The following UNC13C variants were observed in gnomAD, a reference collection of about 807,000 sequenced individuals.
The protein encoded by UNC13C is protein unc-13 homolog C.
Under a neutral mutation model 245.4 loss-of-function variants are expected in UNC13C, and 174 were observed. The observed-to-expected ratio is 0.71, with a 90% CI of 0.63 to 0.80. The LOEUF (loss-of-function observed/expected upper bound fraction) is 0.80. Among genes scored for constraint, UNC13C ranks in the 30% least tolerant of loss-of-function variants. The probability of loss-of-function intolerance (pLI) is 0.00; values close to 1 mark genes in which losing one functional copy is unlikely to be tolerated. For missense variants in UNC13C, 2,829 were observed against 2,602.9 expected (o/e 1.09, Z -1.89); for synonymous variants, 992 against 895.1 (o/e 1.11, Z -1.93).
At chr15:53,883,340 G>C in the UNC13C span, among the ~76,000 whole-genome samples, 32 of 152,304 alleles carry the variant, frequency 2.1e-4, no homozygotes, top group Admixed American at 5.9e-4. Flanking sequence ...GTTGCTGTTT[G>C]CTTTGAAATA....
intron 2 of UNC13C, among the ~76,000 whole-genome samples, chr15:54,077,560 G>C (rs182547566): frequency 1.1e-4 from 16 of 151,172 alleles, no homozygotes; most frequent in Admixed American, 3.3e-4. Context: ...TGCATTTTTA[G>C]TATAGACTGC....
the UNC13C span, among the ~76,000 whole-genome samples, chr15:53,858,035 A>G: frequency 6.6e-6 from 1 of 152,228 alleles, no homozygotes; most frequent in Non-Finnish European, 1.5e-5. Context: ...AAAGAAAATG[A>G]CAAACATTGT....
At chr15:54,458,304 C>G (rs1292969403) in intron 19 of UNC13C, among the ~76,000 whole-genome samples, 1 of 152,030 alleles carries the variant, frequency 6.6e-6, no homozygotes, top group East Asian at 1.9e-4. Flanking sequence ...TGTGGCCTAT[C>G]ATATGGTCCG....
At chr15:53,963,273 T>C in the UNC13C span, among the ~76,000 whole-genome samples, 2 of 152,220 alleles carry the variant, frequency 1.3e-5, no homozygotes, top group Admixed American at 1.3e-4. Flanking sequence ...CCTCAACTTC[T>C]GTCTTCACAG....
intron 30 of UNC13C, among the ~76,000 whole-genome samples, chr15:54,576,579 C>T (rs1897964387): frequency 6.6e-6 from 1 of 152,200 alleles, no homozygotes. Flanking sequence ...AACAGAGGAA[C>T]TGACGTTGTA....
chr15:54,264,018 G>A (rs1454230309), intron 8 of UNC13C, 150 bp from the exon 9 acceptor site: 2 of 686,774 alleles, frequency 2.9e-6, no homozygotes, highest in Middle Eastern at 2.6e-4. Context: ...CAGCATAGCA[G>A]TTCATTATGA....
intron 18 of UNC13C, among the ~76,000 whole-genome samples, chr15:54,407,088 A>C (rs1379376822): frequency 6.6e-6 from 1 of 152,224 alleles, no homozygotes; most frequent in Non-Finnish European, 1.5e-5. Context: ...TGAAACTATT[A>C]TATGCTAATA....
At chr15:54,580,759 AAG>A (rs1415726424) in intron 30 of UNC13C, among the ~76,000 whole-genome samples, 2 of 152,162 alleles carry the variant, frequency 1.3e-5, no homozygotes, top group African/African-American at 4.8e-5. Flanking sequence ...ACAAAACATT[AAG>A]AGAGACCCCT....
chr15:53,919,308 G>A, the UNC13C span, among the ~76,000 whole-genome samples: 16 of 152,166 alleles, frequency 1.1e-4, no homozygotes, highest in Admixed American at 2.0e-4. Context: ...GCTCAGTGAT[G>A]TGTCTGGCAC....
chr15:53,879,627 C>T, the UNC13C span, among the ~76,000 whole-genome samples: 32 of 152,062 alleles, frequency 2.1e-4, no homozygotes, highest in African/African-American at 6.5e-4. Flanking sequence ...CTCGCTCTGT[C>T]GCCCAGGCTG....
At chr15:54,481,482 T>G in intron 19 of UNC13C, among the ~76,000 whole-genome samples, 1 of 151,440 alleles carries the variant, frequency 6.6e-6, no homozygotes, top group African/African-American at 2.4e-5. Context: ...TCTTGGAAGG[T>G]GTGTGTGTGT....
intron 19 of UNC13C, among the ~76,000 whole-genome samples, chr15:54,487,406 C>A (rs1345491443): frequency 6.6e-6 from 1 of 151,984 alleles, no homozygotes; most frequent in Admixed American, 6.6e-5. Context: ...ACTTCTATAT[C>A]TTTTTTCTTA....
chr15:54,467,168 T>C (rs897623938), intron 19 of UNC13C, among the ~76,000 whole-genome samples: 3 of 151,818 alleles, frequency 2.0e-5, no homozygotes, highest in African/African-American at 7.2e-5. Context: ...ATAGACATGG[T>C]TCCTTCGTTC....
intron 19 of UNC13C, among the ~76,000 whole-genome samples, chr15:54,481,593 C>G (rs1305755514): frequency 1.3e-5 from 2 of 152,098 alleles, no homozygotes; most frequent in Admixed American, 6.5e-5. Flanking sequence ...GCAATATAGT[C>G]TGGTGAGGCT....
intron 2 of UNC13C, among the ~76,000 whole-genome samples, chr15:54,022,727 C>T (rs1895953625): frequency 6.6e-6 from 1 of 152,106 alleles, no homozygotes; most frequent in South Asian, 2.1e-4. Flanking sequence ...AAATTGTTTC[C>T]TTGGCTATGC....
intron 26 of UNC13C, among the ~76,000 whole-genome samples, chr15:54,541,572 A>G (rs1174358281): frequency 6.6e-6 from 1 of 152,144 alleles, no homozygotes. Context: ...CAGAGGTAGT[A>G]TGGGACATTG....
intron 4 of UNC13C, among the ~76,000 whole-genome samples, chr15:54,161,904 C>T (rs971038778): frequency 4.6e-5 from 7 of 152,042 alleles, no homozygotes; most frequent in East Asian, 1.9e-4. Flanking sequence ...GCCGAGATTG[C>T]GCCACTGCAC....
At chr15:54,194,923 A>T (rs1173816690) in intron 4 of UNC13C, among the ~76,000 whole-genome samples, 2 of 152,218 alleles carry the variant, frequency 1.3e-5, no homozygotes, top group African/African-American at 2.4e-5. Context: ...AAACTCAAAC[A>T]GGAAAGGATC....
At chr15:53,991,366 A>G (rs983554858) in intron 1 of UNC13C, among the ~76,000 whole-genome samples, 7 of 152,014 alleles carry the variant, frequency 4.6e-5, no homozygotes, top group African/African-American at 1.7e-4. Context: ...AAACATATCA[A>G]AAATCATGTC....
Sources: gnomAD v4.1 joint callset for allele counts (sites outside exome capture counted in the v4.1 genomes callset) on GRCh38, gnomAD v4.1.1 for gene constraint, MANE v1.5 for transcripts, NCBI Gene and HGNC (gene_info 2026-07-23, HGNC 2026-07-21) for gene names.